GPHN: variants seen among roughly 807,000 people sequenced by gnomAD.
GPHN encodes the protein gephyrin.
GPHN carries 17 observed loss-of-function variants against 95.5 expected under a neutral mutation model. The observed-to-expected ratio is 0.18, with a 90% CI of 0.12 to 0.27. The LOEUF is 0.27. GPHN is among the 10% of genes least tolerant of loss of function. The probability of loss-of-function intolerance (pLI) is 1.00; values close to 1 mark genes in which losing one functional copy is unlikely to be tolerated. For synonymous variants in GPHN, 320 were observed against 322.5 expected, an observed-to-expected ratio of 0.99 and a Z score of 0.08; for missense variants, 660 against 978.1, an observed-to-expected ratio of 0.67 and a Z score of 4.34.
chr14:66,552,978 TTTTTCTTTTC>T (rs1374366360), intron 1 of GPHN, among the ~76,000 whole-genome samples: 1 of 150,980 alleles, frequency 6.6e-6, no homozygotes, highest in African/African-American at 2.4e-5. Flanking sequence ...TTTTTTTTCT[TTTTTCTTTTC>T]TTTTCTTTTT....
intron 3 of GPHN, among the ~76,000 whole-genome samples, chr14:66,810,216 A>G (rs534316402): frequency 2.7e-4 from 41 of 152,066 alleles, no homozygotes; most frequent in Non-Finnish European, 4.4e-4. Context: ...TATGAAGTCT[A>G]TAGTAACACC....
intron 17 of GPHN, among the ~76,000 whole-genome samples, chr14:67,137,598 C>T (rs1463661426): frequency 2.6e-5 from 4 of 151,970 alleles, no homozygotes; most frequent in African/African-American, 9.7e-5. Flanking sequence ...ACCCTGTCTA[C>T]AAAAAACACA....
At chr14:66,693,421 T>C (rs1261830294) in intron 2 of GPHN, among the ~76,000 whole-genome samples, 1 of 152,304 alleles carries the variant, frequency 6.6e-6, no homozygotes, top group East Asian at 1.9e-4. Context: ...CAATGATTGA[T>C]TGATTGATAG....
the GPHN span, chr14:67,570,063 G>C: frequency 8.1e-7 from 1 of 1,236,558 alleles, no homozygotes. Flanking sequence ...AAGGCCCCTG[G>C]CCTCATCATC....
chr14:66,536,387 T>A (rs2059146961), intron 1 of GPHN, among the ~76,000 whole-genome samples: 2 of 152,362 alleles, frequency 1.3e-5, no homozygotes, highest in Non-Finnish European at 2.9e-5. Context: ...TTAAACCAAC[T>A]TTATACTCCT....
At chr14:66,665,766 T>C (rs549278806) in intron 1 of GPHN, among the ~76,000 whole-genome samples, 1 of 152,120 alleles carries the variant, frequency 6.6e-6, no homozygotes. Context: ...ACCCAAAGGA[T>C]TATAAATCAT....
the GPHN span, among the ~76,000 whole-genome samples, chr14:67,503,994 G>A: frequency 2.0e-5 from 3 of 148,860 alleles, no homozygotes; most frequent in East Asian, 4.0e-4. Context: ...GAGCCACTGT[G>A]CCCAGCCTAT....
intron 1 of GPHN, among the ~76,000 whole-genome samples, chr14:66,673,699 TAAG>T (rs1468181111): frequency 1.3e-5 from 2 of 152,254 alleles, no homozygotes; most frequent in African/African-American, 4.8e-5. Context: ...GCACTTTATT[TAAG>T]AAGATCTCAG....
intron 18 of GPHN, among the ~76,000 whole-genome samples, chr14:67,150,948 T>C (rs948564948): frequency 3.3e-5 from 5 of 152,210 alleles, no homozygotes; most frequent in Non-Finnish European, 7.3e-5. Flanking sequence ...CTCAAAATTA[T>C]AAGTAGAATA....
the GPHN span, among the ~76,000 whole-genome samples, chr14:67,403,600 CCTAA>C: frequency 6.6e-6 from 1 of 152,178 alleles, no homozygotes. Flanking sequence ...AACTGAGAAT[CCTAA>C]CTGATAGCAA....
intron 1 of GPHN, among the ~76,000 whole-genome samples, chr14:66,523,166 A>T (rs780949504): frequency 6.6e-6 from 1 of 152,228 alleles, no homozygotes; most frequent in Admixed American, 6.5e-5. Flanking sequence ...ACAGACATTC[A>T]TAACAAGTGT....
intron 2 of GPHN, among the ~76,000 whole-genome samples, chr14:66,683,818 G>A (rs6573703): frequency 0.31 from 46,928 of 151,018 alleles, 11,084 homozygotes; most frequent in African/African-American, 0.64. Flanking sequence ...TCCACTAAAA[G>A]TACAAAAAAT....
chr14:67,586,065 GAGA>G, the GPHN span: 1 of 1,614,010 alleles, frequency 6.2e-7, no homozygotes, highest in Non-Finnish European at 8.5e-7. Context: ...AAGCCACATT[GAGA>G]AGTTGATCTT....
At chr14:67,092,049 G>T (rs1260757403) in intron 12 of GPHN, among the ~76,000 whole-genome samples, 1 of 151,994 alleles carries the variant, frequency 6.6e-6, no homozygotes, top group Non-Finnish European at 1.5e-5. Flanking sequence ...GTATGTCTGT[G>T]TATACAATAT....
the GPHN span, chr14:67,381,746 T>C: frequency 8.3e-7 from 1 of 1,205,494 alleles, no homozygotes; most frequent in Non-Finnish European, 1.2e-6. Context: ...CCAAATAGGA[T>C]CTTTGATCTT....
At chr14:66,686,168 A>G (rs2067346874) in intron 2 of GPHN, among the ~76,000 whole-genome samples, 1 of 152,172 alleles carries the variant, frequency 6.6e-6, no homozygotes, top group Non-Finnish European at 1.5e-5. Flanking sequence ...TATAGTTTGA[A>G]GTCAGGTAGC....
the GPHN span, among the ~76,000 whole-genome samples, chr14:67,409,611 C>G: frequency 6.6e-6 from 1 of 152,168 alleles, no homozygotes; most frequent in Admixed American, 6.5e-5. Context: ...ACTCCCCTGA[C>G]AGCCAGGCCC....
the GPHN span, among the ~76,000 whole-genome samples, chr14:67,195,454 A>G: frequency 3.9e-5 from 6 of 152,110 alleles, no homozygotes; most frequent in Non-Finnish European, 8.8e-5. Flanking sequence ...GCCTTTCGCT[A>G]TCCCAGCAGC....
the GPHN span, among the ~76,000 whole-genome samples, chr14:67,362,942 A>G: frequency 2.0e-5 from 3 of 152,110 alleles, no homozygotes; most frequent in African/African-American, 4.8e-5. Context: ...TCCTGAAGAA[A>G]TAGTATTCAT....
Sources: gnomAD v4.1 joint callset for allele counts (sites outside exome capture counted in the v4.1 genomes callset) on GRCh38, gnomAD v4.1.1 for gene constraint, MANE v1.5 for transcripts, NCBI Gene and HGNC (gene_info 2026-07-23, HGNC 2026-07-21) for gene names.